Variants in LYST observed in about 807,000 individuals in gnomAD.
LYST encodes lysosomal trafficking regulator, also known as lysosomal-trafficking regulator.
Under a neutral mutation model 413.6 loss-of-function variants are expected in LYST, and 192 were observed. That is an observed-to-expected ratio of 0.46 (90% CI 0.41 to 0.52). LYST has a LOEUF of 0.52. Among genes scored for constraint, LYST ranks in the 20% least tolerant of loss-of-function variants. The pLI is 0.00. For missense variants in LYST, 3,815 were observed against 4,499.9 expected, an observed-to-expected ratio of 0.85 and a Z score of 4.35; for synonymous variants, 1,525 against 1,567.3, an observed-to-expected ratio of 0.97 and a Z score of 0.64.
At position 235,684,863 on chromosome 1, in the gene LYST, A is replaced by G. The variant is rs115422909; in HGVS notation, c.10800+2086T>C. On this transcript the variant is annotated intron_variant, in intron 48 of 52. Coordinates refer to ENST00000389793, the MANE Select transcript of LYST (RefSeq NM_000081.4). ...AGGCTGGTCTCAAATTTCTGGGCTC[A>G]AGCGATCTTCTTGTCTTGGCCTCCC... Among the ~76,000 whole-genome samples the G allele has an allele frequency of 6.6e-3, 1,001 of 152,154 alleles. 16 individuals carry two copies. Among genetic ancestry groups the G allele is most frequent in the African/African-American group, 0.023 (973 of 41,510 alleles).
At chr1:235,695,308 C>T (rs1453328008) in intron 46 of LYST, among the ~76,000 whole-genome samples, 1 of 152,184 alleles carries the variant, frequency 6.6e-6, no homozygotes, top group Non-Finnish European at 1.5e-5. Context: ...AGTTAACTTC[C>T]CCAAGGCCAC....
intron 16 of LYST, 25 bp downstream of exon 16, chr1:235,780,840 T>A (rs757310129): frequency 9.9e-7 from 1 of 1,007,984 alleles, no homozygotes; most frequent in South Asian, 1.9e-5. Flanking sequence ...ACTATAAAAT[T>A]AAAATTTATA....
In LYST at chr1:235,743,234, CA is replaced by C. The variant is rs560739892; in HGVS notation, c.8151+744del. Among the ~76,000 whole-genome samples the C allele has an allele frequency of 2.2e-4, 33 of 152,230 alleles. No individual in the cohort carries two copies. In the South Asian group the frequency reaches 6.0e-3, roughly 28 times the overall value. On this transcript the variant is annotated intron_variant, in intron 30 of 52. Coordinates refer to ENST00000389793, the MANE Select transcript of LYST (RefSeq NM_000081.4). Reference sequence around the variant, plus strand: ...CTGATCAAATCACCTGTATCTGGTTCAAAACTGGAAGCAGTACATTCAGAAT... The same window carrying C: ...CTGATCAAATCACCTGTATCTGGTTCAAACTGGAAGCAGTACATTCAGAAT...
intron 31 of LYST, chr1:235,735,394 G>A (rs1664732956): frequency 6.6e-6 from 1 of 152,088 alleles, no homozygotes; most frequent in African/African-American, 2.4e-5. Flanking sequence ...CCATGGCAGA[G>A]TTGTTTTAGC....
intron 3 of LYST, among the ~76,000 whole-genome samples, chr1:235,815,084 G>C (rs1318563613): frequency 1.3e-5 from 2 of 152,100 alleles, no homozygotes; most frequent in East Asian, 1.9e-4. Context: ...GCTTCCCTTA[G>C]TAAACTTAGC....
At chr1:235,836,351 T>C (rs1463381223) in intron 1 of LYST, among the ~76,000 whole-genome samples, 1 of 152,138 alleles carries the variant, frequency 6.6e-6, no homozygotes, top group Non-Finnish European at 1.5e-5. Flanking sequence ...AAAGCAAACA[T>C]ACACTATAAT....
Position 235,662,950 on chromosome 1 carries a change from G to A in LYST, c.11396C>T (p.Ala3799Val). Reference sequence around the variant, plus strand: ...GAAGTTCATTCGCATTCACCCGGCTGCATAGCTGCTAAGGAAGGAATAGAA... The same window carrying A: ...GAAGTTCATTCGCATTCACCCGGCTACATAGCTGCTAAGGAAGGAATAGAA... Reference protein sequence around the residue: ...PMFYSFLSSYAAG With the variant: ...PMFYSFLSSYVAG Residue 3799 changes from alanine (A) to valine (V), a missense_variant, in exon 53 of 53, where the codon GCA becomes GTA. This residue lies in a region of LYST where 866 missense variants were observed against 1,156.0 expected (regional missense o/e 0.75). Transcript: ENST00000389793. The A allele has an allele frequency of 6.4e-7, 1 of 1,562,252 alleles. No individual in the cohort carries two copies. The highest frequency in any genetic ancestry group is 2.2e-5 in the East Asian group (1 of 44,666).
chr1:235,794,639 C>T (rs1671368556), intron 10 of LYST, among the ~76,000 whole-genome samples: 1 of 152,088 alleles, frequency 6.6e-6, no homozygotes, highest in African/African-American at 2.4e-5. Flanking sequence ...TTTTGGAAGA[C>T]CTGGAGTTTA....
chr1:235,757,457 C>T lies in LYST; in HGVS notation c.6883G>A (p.Val2295Ile). The T allele has an allele frequency of 6.2e-7, 1 of 1,612,822 alleles. No homozygotes were observed. The highest frequency in any genetic ancestry group is 8.5e-7 in the Non-Finnish European group (1 of 1,179,088). Residue 2295 changes from valine (V) to isoleucine (I), a missense_variant and splice_region_variant, in exon 24 of 53, where the codon GTA becomes ATA. Around this residue, in one of 4 missense-constraint regions of LYST, gnomAD observed 771 missense variants for 837.1 expected, o/e 0.92. Transcript: ENST00000389793. ...NYNRTASAHS[V>I]TEDCLVPICC... The stretch of plus-strand genomic sequence containing the variant: ...ATAGGTACCAAACAGTCTTCAGTTA[C>T]ACTAAAACAGAGACCAAAAAAGTCT...
intron 1 of LYST, chr1:235,839,735 G>C (rs1472698832): frequency 1.3e-5 from 2 of 151,746 alleles, no homozygotes; most frequent in Non-Finnish European, 2.9e-5. Context: ...GAACCTGGGA[G>C]AGAAGGTTGC....
At chr1:235,735,259 G>GACTCTTCTTCCTTTGGTGAAATTTCTGGA in intron 31 of LYST, 1 of 152,130 alleles carries the variant, frequency 6.6e-6, no homozygotes, top group Non-Finnish European at 1.5e-5. Flanking sequence ...AAAACTTACT[G>GACTCTTCTTCCTTTGGTGAAATTTCTGGA]ACTCTTCTTC....
At chr1:235,712,806 G>A (rs998160891) in intron 42 of LYST, 9 of 984,300 alleles carry the variant, frequency 9.1e-6, no homozygotes, top group South Asian at 4.7e-5. Context: ...TCACTCTTTC[G>A]TTCATTTTTT....
At chr1:235,788,886 G>GT (rs759063948) in intron 12 of LYST, 41 bp from the exon 13 acceptor site, 90 of 1,583,628 alleles carry the variant, frequency 5.7e-5, no homozygotes, top group Non-Finnish European at 6.7e-5. Context: ...AAAATGGTTC[G>GT]TAACAACTGA....
Position 235,874,395 on chromosome 1 carries a change from G to A in LYST, n.454+8792C>T, listed in dbSNP as rs545324397. On this transcript the variant is annotated intron_variant and non_coding_transcript_variant, in intron 1 of 11. Coordinates refer to the LYST transcript ENST00000465349. ...ACAAGCAACTATAGTCGAGGGAGAT[G>A]AAGGTTATGGCAACATTGTGCGTAG... Among the ~76,000 whole-genome samples, 9 of 152,314 alleles carry A rather than the reference G, an allele frequency of 5.9e-5. No individual in the cohort carries two copies. In the South Asian group the frequency reaches 1.9e-3, roughly 32 times the overall value.
chr1:235,838,917 G>T (rs775469611), intron 1 of LYST, among the ~76,000 whole-genome samples: 6 of 152,036 alleles, frequency 3.9e-5, no homozygotes, highest in Non-Finnish European at 7.4e-5. Context: ...CCATTTGTTG[G>T]TAAGAATCTA....
rs1424358522 is a variant in LYST at position 235,842,668 on chromosome 1, CAAGTT to C, written c.-97-9006_-97-9002del. 1.7e-4 allele frequency among the ~76,000 whole-genome samples: 26 copies of C among 152,210 alleles called. No homozygotes were observed. In the East Asian group the frequency reaches 4.3e-3, roughly 25 times the overall value. Reference sequence around the variant, plus strand: ...CTTGTCTAATTAAGCCCCTCGTAGTCAAGTTAGGTCAAAGATAGACTCAAGAGTAC... The same window carrying C: ...CTTGTCTAATTAAGCCCCTCGTAGTCAGGTCAAAGATAGACTCAAGAGTAC... On this transcript the variant is annotated intron_variant, in intron 1 of 52. Coordinates refer to ENST00000389793, the MANE Select transcript of LYST (RefSeq NM_000081.4).
rs369153654 is a variant in LYST, at chr1:235,800,312, C to T, written c.4006+8G>A. 643 of 1,547,788 alleles carry T rather than the reference C, an allele frequency of 4.2e-4. No individual in the cohort carries two copies. The highest frequency in any genetic ancestry group is 5.6e-4 in the Non-Finnish European group (626 of 1,119,990). ...TCAGAGCTATTGTTTAAAACAGTTT[C>T]AACTTACCTTGAAAATCAGAATCAT... On this transcript the variant is annotated splice_region_variant and intron_variant, in intron 10 of 52. Transcript: ENST00000389793.
chr1:235,817,494 G>C (rs1368644867), intron 3 of LYST, among the ~76,000 whole-genome samples: 1 of 152,144 alleles, frequency 6.6e-6, no homozygotes, highest in African/African-American at 2.4e-5. Context: ...ACTGGATAAA[G>C]AAAATGTGGC....
In LYST at chr1:235,662,649, C is replaced by T. The variant is rs889206347; in HGVS notation, c.*291G>A. 2.2e-5 allele frequency: 9 copies of T among 408,394 alleles called. No individual in the cohort carries two copies. Among genetic ancestry groups the T allele is most frequent in the Non-Finnish European group, 4.6e-6 (1 of 219,022 alleles). 25.3% of individuals were successfully genotyped at this position (408,394 alleles called of 1,614,324 possible). A position where few individuals can be genotyped will look rare whatever the true frequency, so the allele number is the denominator to read the frequency against. ...GACCTTAATATTTTCTTTGGAATAC[C>T]TTGGTGGGAAAAAATTTTAAGAATA... On this transcript the variant is annotated 3_prime_UTR_variant, in exon 53 of 53. Transcript: ENST00000389793.
Sources: gnomAD v4.1 joint callset for allele counts (sites outside exome capture counted in the v4.1 genomes callset) on GRCh38, gnomAD v4.1.1 for gene constraint, gnomAD v4.1.1 regional missense constraint, MANE v1.5 for transcripts, NCBI Gene and HGNC (gene_info 2026-07-23, HGNC 2026-07-21) for gene names.